The following MTAP variants were observed in gnomAD, a reference collection of about 807,000 sequenced individuals.
MTAP encodes S-methyl-5'-thioadenosine phosphorylase.
MTAP carries 33 observed loss-of-function variants against 33.6 expected under a neutral mutation model. The observed-to-expected ratio is 0.98, with a 90% CI of 0.74 to 1.31. The LOEUF (loss-of-function observed/expected upper bound fraction) is 1.31, where lower values mean the gene tolerates loss of function less well. MTAP is among the 40% of genes most tolerant of loss of function. The pLI is 0.00. For missense variants in MTAP, 367 were observed against 360.0 expected (o/e 1.02, Z -0.16); for synonymous variants, 148 against 125.7 (o/e 1.18, Z -1.19).
intron 4 of MTAP, among the ~76,000 whole-genome samples, chr9:21,823,496 G>A (rs972731585): frequency 6.6e-6 from 1 of 152,152 alleles, no homozygotes; most frequent in African/African-American, 2.4e-5. Flanking sequence ...TTAGTCTGAT[G>A]GGCTTCCCTT....
chr9:21,841,166 C>T (rs891136138), intron 5 of MTAP, among the ~76,000 whole-genome samples: 8 of 152,174 alleles, frequency 5.3e-5, no homozygotes, highest in Admixed American at 5.2e-4. Context: ...TCCCTACCCA[C>T]CCTGGTAGCC....
chr9:21,904,029 C>T (rs1387112874), intron 1 of MTAP, among the ~76,000 whole-genome samples: 1 of 152,182 alleles, frequency 6.6e-6, no homozygotes, highest in Non-Finnish European at 1.5e-5. Flanking sequence ...TAGCTCTCAG[C>T]AGATGGGGGA....
chr9:21,878,088 G>A (rs190029800), intron 1 of MTAP, among the ~76,000 whole-genome samples: 2 of 152,174 alleles, frequency 1.3e-5, no homozygotes, highest in East Asian at 3.9e-4. Context: ...AGTCTTGGGA[G>A]GTGTATGTTT....
chr9:21,931,255 G>T, downstream of MTAP: 1 of 625,024 alleles, frequency 1.6e-6, no homozygotes, highest in South Asian at 1.9e-5. Flanking sequence ...GCAGGAAGCA[G>T]TTACAGAAGA....
chr9:21,882,652 A>G (rs900083952), intron 1 of MTAP, among the ~76,000 whole-genome samples: 2 of 152,056 alleles, frequency 1.3e-5, no homozygotes, highest in Non-Finnish European at 2.9e-5. Flanking sequence ...TAAACGTTTT[A>G]TATGCAATAA....
chr9:21,836,448 G>T (rs570071261), intron 4 of MTAP, among the ~76,000 whole-genome samples: 1 of 152,130 alleles, frequency 6.6e-6, no homozygotes, highest in Non-Finnish European at 1.5e-5. Flanking sequence ...GATGAAATGC[G>T]GGTGTTATGG....
chr9:21,839,009 G>C (rs1825178303), intron 5 of MTAP, among the ~76,000 whole-genome samples: 1 of 152,086 alleles, frequency 6.6e-6, no homozygotes, highest in Admixed American at 6.5e-5. Flanking sequence ...TTTCCTTATA[G>C]TTAACAGCAA....
At chr9:21,895,758 G>C (rs1036288618) in intron 1 of MTAP, among the ~76,000 whole-genome samples, 1 of 152,194 alleles carries the variant, frequency 6.6e-6, no homozygotes, top group African/African-American at 2.4e-5. Context: ...AGCGAGGCTG[G>C]GGGAGGGGTG....
At chr9:21,903,299 GAAATAT>G (rs1443164271) in intron 1 of MTAP, among the ~76,000 whole-genome samples, 3 of 152,140 alleles carry the variant, frequency 2.0e-5, no homozygotes. Flanking sequence ...AAGTTATCCT[GAAATAT>G]ATGACAAAAG....
At chr9:21,884,628 T>G (rs1190921326) in intron 1 of MTAP, among the ~76,000 whole-genome samples, 1 of 152,176 alleles carries the variant, frequency 6.6e-6, no homozygotes, top group Non-Finnish European at 1.5e-5. Context: ...CTTGTAGACT[T>G]CTTGCTGTAG....
chr9:21,883,865 C>T (rs2118713673), intron 1 of MTAP, among the ~76,000 whole-genome samples: 1 of 152,010 alleles, frequency 6.6e-6, no homozygotes, highest in South Asian at 2.1e-4. Flanking sequence ...ACACACTAGC[C>T]CGCACAGGAA....
At chr9:21,893,062 T>C (rs753231309) in intron 1 of MTAP, 2 of 152,152 alleles carry the variant, frequency 1.3e-5, no homozygotes, top group African/African-American at 2.4e-5. Flanking sequence ...AATCAAGAAA[T>C]TCTTTGAAAA....
chr9:21,820,804 G>T (rs1824615613), intron 4 of MTAP, among the ~76,000 whole-genome samples: 1 of 152,146 alleles, frequency 6.6e-6, no homozygotes, highest in African/African-American at 2.4e-5. Flanking sequence ...ATTTCATTGA[G>T]CAGTGGTTTG....
In MTAP at chr9:21,863,918, C is replaced by T. The variant is rs1825804642; in HGVS notation, c.*1904C>T. ...AGTATGATTATGACCCTTGGACTTC[C>T]TGATGTAGTATTAAATTTCAACTCT... On this transcript the variant is annotated 3_prime_UTR_variant, in exon 8 of 8. Coordinates refer to ENST00000644715, the MANE Select transcript of MTAP (RefSeq NM_002451.4). 3 of 985,752 alleles carry T rather than the reference C, an allele frequency of 3.0e-6. No individual in the cohort carries two copies. The highest frequency in any genetic ancestry group is 1.2e-6 in the Non-Finnish European group (1 of 829,920). 61.1% of individuals were successfully genotyped at this position (985,752 alleles called of 1,614,324 possible).
intron 1 of MTAP, among the ~76,000 whole-genome samples, chr9:21,902,105 C>A (rs527301013): frequency 6.6e-6 from 1 of 152,150 alleles, no homozygotes; most frequent in East Asian, 1.9e-4. Context: ...ATTCGCTAAA[C>A]GATATTGCAA....
intron 1 of MTAP, among the ~76,000 whole-genome samples, chr9:21,903,192 A>G (rs1818419690): frequency 6.6e-6 from 1 of 152,208 alleles, no homozygotes; most frequent in Non-Finnish European, 1.5e-5. Context: ...GAAGGTGGAT[A>G]CATGGACTAT....
At chr9:21,835,407 T>C (rs1372940335) in intron 4 of MTAP, among the ~76,000 whole-genome samples, 1 of 152,150 alleles carries the variant, frequency 6.6e-6, no homozygotes, top group East Asian at 1.9e-4. Flanking sequence ...GACAAAACTA[T>C]ATTTCCTGTG....
At position 21,813,375 on chromosome 9, in the gene MTAP, C is replaced by T. The variant is rs139538828; in HGVS notation, c.34-2058C>T. On this transcript the variant is annotated intron_variant, in intron 1 of 7. Transcript: ENST00000644715. ...ACTCTTGCTTTCATGTCCAGGGCTA[C>T]TACATGTTCCTTGCTGAGGGCTGAG... is the stretch of plus-strand genomic sequence containing the variant. Among the ~76,000 whole-genome samples, 48 of 152,324 alleles carry T rather than the reference C, an allele frequency of 3.2e-4. 1 individual carries two copies. In the East Asian group the frequency reaches 7.9e-3, roughly 25 times the overall value.
intron 1 of MTAP, among the ~76,000 whole-genome samples, chr9:21,812,948 A>G (rs947815132): frequency 8.5e-5 from 13 of 152,176 alleles, no homozygotes; most frequent in African/African-American, 2.9e-4. Flanking sequence ...GTAACATTCT[A>G]TAGGGCCCAT....
Sources: gnomAD v4.1 joint callset for allele counts (sites outside exome capture counted in the v4.1 genomes callset) on GRCh38, gnomAD v4.1.1 for gene constraint, MANE v1.5 for transcripts, NCBI Gene and HGNC (gene_info 2026-07-23, HGNC 2026-07-21) for gene names.